The following SUGCT variants were observed in gnomAD, a reference collection of about 807,000 sequenced individuals.
The protein encoded by SUGCT is succinyl-CoA:glutarate CoA-transferase.
SUGCT carries 41 observed loss-of-function variants against 55.0 expected under a neutral mutation model. That is an observed-to-expected ratio of 0.74 (90% confidence interval 0.58 to 0.97). The LOEUF is 0.97. Ranked by LOEUF, SUGCT falls within the 50% of genes least tolerant of loss-of-function variation. The probability of loss-of-function intolerance (pLI) is 0.00; values close to 1 mark genes in which losing one functional copy is unlikely to be tolerated. For missense variants in SUGCT, 568 were observed against 547.8 expected, an observed-to-expected ratio of 1.04 and a Z score of -0.37; for synonymous variants, 187 against 200.4, an observed-to-expected ratio of 0.93 and a Z score of 0.56.
intron 6 of SUGCT, among the ~76,000 whole-genome samples, chr7:40,208,114 T>C (rs747474522): frequency 6.6e-6 from 1 of 152,216 alleles, no homozygotes; most frequent in African/African-American, 2.4e-5. Flanking sequence ...ATTCTACTTA[T>C]ATGAGATTCC....
At position 40,598,584 on chromosome 7, in the gene SUGCT, A is replaced by T. The variant is rs1798140338; in HGVS notation, c.1089+102198A>T. On this transcript the variant is annotated intron_variant, in intron 12 of 13. Transcript: ENST00000335693. Reference sequence around the variant, plus strand: ...CTGCAAGAAGAGGGACTGTTCACGTAGACATGAAATCCAGAGTGAGAATGA... The same window carrying T: ...CTGCAAGAAGAGGGACTGTTCACGTTGACATGAAATCCAGAGTGAGAATGA... Among the ~76,000 whole-genome samples the T allele has an allele frequency of 1.3e-5, 2 of 152,258 alleles. 1 individual carries two copies. The highest frequency in any genetic ancestry group is 4.1e-4 in the South Asian group (2 of 4,836).
At chr7:40,552,936 T>C (rs968533085) in intron 12 of SUGCT, among the ~76,000 whole-genome samples, 93 of 152,290 alleles carry the variant, frequency 6.1e-4, no homozygotes, top group Middle Eastern at 3.4e-3. Context: ...AGCTTGCATC[T>C]TTCGTTCCCT....
chr7:40,296,612 CGTGTGTGTGTGTGTGTGTGTGTGTGT>C (rs10528858), intron 8 of SUGCT, among the ~76,000 whole-genome samples: 8 of 144,726 alleles, frequency 5.5e-5, no homozygotes, highest in Non-Finnish European at 9.0e-5. Flanking sequence ...GTGAGTGACT[CGTGTGTGTGTGTGTGTGTGTGTGTGT>C]GTGTGTGTGT....
At chr7:40,762,092 T>C (rs565815486) in intron 13 of SUGCT, among the ~76,000 whole-genome samples, 161 of 152,294 alleles carry the variant, frequency 1.1e-3, no homozygotes, top group Middle Eastern at 3.4e-3. Context: ...GGAAAGGCAT[T>C]AATAATGGAA....
At chr7:40,978,654 C>T in the SUGCT span, among the ~76,000 whole-genome samples, 1 of 152,048 alleles carries the variant, frequency 6.6e-6, no homozygotes, top group Non-Finnish European at 1.5e-5. Context: ...GCAATTGTGG[C>T]GAGACCAAAA....
chr7:40,228,158 C>T (rs1412008096), intron 6 of SUGCT, among the ~76,000 whole-genome samples: 2 of 152,154 alleles, frequency 1.3e-5, no homozygotes, highest in African/African-American at 4.8e-5. Flanking sequence ...GCTGGGATTA[C>T]AGGTGTGAGC....
At chr7:40,156,072 G>C (rs539135871) in intron 1 of SUGCT, among the ~76,000 whole-genome samples, 2 of 152,154 alleles carry the variant, frequency 1.3e-5, no homozygotes, top group African/African-American at 2.4e-5. Flanking sequence ...GGCCAGGCTG[G>C]TCTCGAACTC....
At chr7:40,678,282 A>G (rs1784094879) in intron 12 of SUGCT, among the ~76,000 whole-genome samples, 1 of 151,932 alleles carries the variant, frequency 6.6e-6, no homozygotes, top group Non-Finnish European at 1.5e-5. Flanking sequence ...CTCCTATTTT[A>G]TCTCCTCTCT....
intron 12 of SUGCT, among the ~76,000 whole-genome samples, chr7:40,630,111 T>A (rs571526867): frequency 3.9e-5 from 6 of 152,354 alleles, no homozygotes; most frequent in African/African-American, 1.4e-4. Context: ...GCCAGAGCGA[T>A]CCTACGCTTT....
chr7:40,715,537 C>T (rs1240121061), intron 12 of SUGCT, among the ~76,000 whole-genome samples: 6 of 152,108 alleles, frequency 3.9e-5, no homozygotes, highest in Non-Finnish European at 8.8e-5. Flanking sequence ...ACTGAGCTTA[C>T]CTTTGCCCCC....
chr7:40,378,541 C>T (rs6462981), intron 9 of SUGCT, among the ~76,000 whole-genome samples: 144,212 of 152,270 alleles, frequency 0.95, 68,769 homozygotes, highest in East Asian at 1. Context: ...GGCACTGTCC[C>T]AGCTCACTGC....
At chr7:40,995,137 A>C in the SUGCT span, among the ~76,000 whole-genome samples, 1 of 152,182 alleles carries the variant, frequency 6.6e-6, no homozygotes, top group African/African-American at 2.4e-5. Flanking sequence ...GATGCTGAAA[A>C]GGAAGGGAAC....
At chr7:40,636,685 G>A (rs993133102) in intron 12 of SUGCT, among the ~76,000 whole-genome samples, 3 of 152,128 alleles carry the variant, frequency 2.0e-5, no homozygotes, top group Non-Finnish European at 2.9e-5. Context: ...TGATGAAAAA[G>A]TTCTGGTAGT....
chr7:40,811,802 T>C (rs774264839), intron 13 of SUGCT, among the ~76,000 whole-genome samples: 4 of 152,160 alleles, frequency 2.6e-5, no homozygotes, highest in Admixed American at 6.5e-5. Context: ...CAGTACTGTA[T>C]TGAATAGGAG....
chr7:41,025,506 A>T, the SUGCT span, among the ~76,000 whole-genome samples: 1 of 151,978 alleles, frequency 6.6e-6, no homozygotes, highest in East Asian at 1.9e-4. Flanking sequence ...AGTAGCTGGA[A>T]CTACAGGCAC....
intron 12 of SUGCT, among the ~76,000 whole-genome samples, chr7:40,693,434 G>A (rs777262009): frequency 1.6e-4 from 24 of 152,090 alleles, no homozygotes; most frequent in Middle Eastern, 3.2e-3. Flanking sequence ...TTTTTGAAAC[G>A]GTAACCATAT....
chr7:40,562,971 T>A lies in SUGCT; in HGVS notation c.1089+66585T>A, dbSNP rs555853173. Among the ~76,000 whole-genome samples, 5 of 152,276 alleles carry A rather than the reference T, an allele frequency of 3.3e-5. No individual in the cohort carries two copies. In the South Asian group the frequency reaches 1.0e-3, roughly 32 times the overall value. On this transcript the variant is annotated intron_variant, in intron 12 of 13. Coordinates refer to ENST00000335693, the MANE Select transcript of SUGCT (RefSeq NM_001193313.2). ...TCTGATAGTTGAAACATTTTATTTC[T>A]CTCTCTCAGTGGCTTAAGACTTCTA...
At chr7:40,880,007 A>G in the SUGCT span, among the ~76,000 whole-genome samples, 1 of 152,368 alleles carries the variant, frequency 6.6e-6, no homozygotes, top group Non-Finnish European at 1.5e-5. Flanking sequence ...CCTTGAAAGA[A>G]TGGCCAGCCA....
intron 13 of SUGCT, among the ~76,000 whole-genome samples, chr7:40,751,286 T>TGGAGA (rs1787998277): frequency 6.6e-6 from 1 of 152,042 alleles, no homozygotes; most frequent in Non-Finnish European, 1.5e-5. Context: ...GAAATGAGAC[T>TGGAGA]GGAGAGGTAG....
Sources: gnomAD v4.1 joint callset for allele counts (sites outside exome capture counted in the v4.1 genomes callset) on GRCh38, gnomAD v4.1.1 for gene constraint, MANE v1.5 for transcripts, NCBI Gene and HGNC (gene_info 2026-07-23, HGNC 2026-07-21) for gene names.